Variants in CRK observed in about 807,000 individuals in gnomAD.
CRK encodes CRK proto-oncogene, adaptor protein.
CRK carries 4 observed loss-of-function variants against 29.8 expected under a neutral mutation model. The ratio of observed to expected loss-of-function variants is 0.13; its 90% confidence interval spans 0.07 to 0.31. CRK has a LOEUF of 0.31. Among genes scored for constraint, CRK ranks in the 10% least tolerant of loss-of-function variants. The probability of loss-of-function intolerance (pLI) is 1.00; values close to 1 mark genes in which losing one functional copy is unlikely to be tolerated. For missense variants in CRK, 274 were observed against 396.5 expected (o/e 0.69, Z 2.62); for synonymous variants, 153 against 164.9 (o/e 0.93, Z 0.55).
At position 1,423,011 on chromosome 17, in the gene CRK, G is replaced by A. The variant is rs1466132165; in HGVS notation, c.*502C>T. On this transcript the variant is annotated 3_prime_UTR_variant, in exon 3 of 3. Transcript: ENST00000300574. ...TTCTTAGGATCTGAAATGTCAGAAT[G>A]AGTCACACGCTGGTCATGCTCCATA... 4 of 399,098 alleles carry A rather than the reference G, an allele frequency of 1.0e-5. No homozygotes were observed. Among genetic ancestry groups the A allele is most frequent in the Non-Finnish European group, 1.3e-5 (3 of 226,320 alleles). The allele number at this position is 399,098 out of a possible 1,614,324, so 24.7% of individuals were successfully genotyped here.
chr17:1,455,453 C>T (rs1252710264), intron 1 of CRK, among the ~76,000 whole-genome samples: 6 of 152,318 alleles, frequency 3.9e-5, no homozygotes, highest in Admixed American at 3.3e-4. Context: ...CTCTCCAACA[C>T]GGCAGGAAAC....
In CRK at chr17:1,436,848, T is replaced by C. The variant is rs1261116184; in HGVS notation, c.549A>G (p.Pro183=). The change falls in exon 2 of 3, where the codon CCA becomes CCG. Residue 183 remains proline, a synonymous_variant. Coordinates refer to ENST00000300574, the MANE Select transcript of CRK (RefSeq NM_016823.4). ...EDSEGKRGMI[P]VPYVEKYRPA... ...GTCTATACTTCTCGACGTAAGGGAC[T>C]GGAATCATCCCTCTCTTGCCTTCGC... 2 of 1,605,332 alleles carry C rather than the reference T, an allele frequency of 1.2e-6. No individual in the cohort carries two copies. The highest frequency in any genetic ancestry group is 1.7e-6 in the Non-Finnish European group (2 of 1,175,034).
intron 1 of CRK, among the ~76,000 whole-genome samples, chr17:1,441,653 G>T (rs999039296): frequency 2.7e-5 from 4 of 150,730 alleles, no homozygotes; most frequent in Admixed American, 2.7e-4. Flanking sequence ...CACCACACCC[G>T]GCTAATTTTT....
At chr17:1,443,803 A>C (rs1428379401) in intron 1 of CRK, among the ~76,000 whole-genome samples, 21 of 130,588 alleles carry the variant, frequency 1.6e-4, no homozygotes, top group African/African-American at 4.6e-4. Flanking sequence ...GGGTTCATGC[A>C]ATTCTCCTGC....
chr17:1,455,858 C>G lies in CRK; in HGVS notation c.241+19G>C, dbSNP rs745992256. ...GGCCCTCACCCCGCCCAGGGCCCGC[C>G]GTCCCGTCAGTCCCTCACCGGGCGG... On this transcript the variant is annotated intron_variant, in intron 1 of 2. Transcript: ENST00000300574. 3 of 1,541,022 alleles carry G rather than the reference C, an allele frequency of 1.9e-6. No individual in the cohort carries two copies. The African/African-American group carries it at 4.2e-5, about 22-fold the overall frequency.
intron 1 of CRK, among the ~76,000 whole-genome samples, chr17:1,447,789 G>A (rs906276443): frequency 2.6e-5 from 4 of 151,534 alleles, no homozygotes; most frequent in African/African-American, 9.7e-5. Context: ...GCTAATTCTT[G>A]TATTTTTAGG....
intron 2 of CRK, among the ~76,000 whole-genome samples, chr17:1,427,362 G>A (rs2073791213): frequency 6.6e-6 from 1 of 151,774 alleles, no homozygotes; most frequent in African/African-American, 2.4e-5. Flanking sequence ...GGGAGGCTGA[G>A]GGCGGCAGAT....
intron 1 of CRK, among the ~76,000 whole-genome samples, chr17:1,443,057 C>A (rs1423139446): frequency 1.3e-5 from 2 of 151,712 alleles, no homozygotes; most frequent in African/African-American, 4.8e-5. Context: ...TGGCTCACTG[C>A]AACCTCTCTC....
intron 1 of CRK, among the ~76,000 whole-genome samples, chr17:1,443,333 T>C (rs1343181355): frequency 6.6e-6 from 1 of 152,200 alleles, no homozygotes; most frequent in East Asian, 1.9e-4. Context: ...GCCTCCCAAA[T>C]AGCTGGGACT....
chr17:1,456,139 C>A lies in CRK; in HGVS notation c.-22G>T. 6.8e-7 allele frequency: 1 copy of A among 1,479,088 alleles called. No homozygotes were observed. The highest frequency in any genetic ancestry group is 9.0e-7 in the Non-Finnish European group (1 of 1,115,844). 91.6% of individuals were successfully genotyped at this position (1,479,088 alleles called of 1,614,324 possible). ...CCATGGCTGCCTCCGCGCCTAAACGCTGGGGTGCCGCCGCCGCGCGCGCCC... is the reference window on the plus strand; with the variant it reads ...CCATGGCTGCCTCCGCGCCTAAACGATGGGGTGCCGCCGCCGCGCGCGCCC... On this transcript the variant is annotated 5_prime_UTR_variant, in exon 1 of 3. Transcript: ENST00000300574.
chr17:1,425,887 G>A (rs1568007209), intron 2 of CRK, among the ~76,000 whole-genome samples: 1 of 152,148 alleles, frequency 6.6e-6, no homozygotes, highest in Non-Finnish European at 1.5e-5. Context: ...AGACACAGAG[G>A]TTGAGAAAAA....
chr17:1,434,731 C>G (rs1024466340), intron 2 of CRK, among the ~76,000 whole-genome samples: 14 of 143,696 alleles, frequency 9.7e-5, no homozygotes, highest in African/African-American at 3.4e-4. Context: ...TGCAGTGAGC[C>G]GAGATCGTGC....
At chr17:1,444,481 C>A (rs184522935) in intron 1 of CRK, among the ~76,000 whole-genome samples, 1 of 151,642 alleles carries the variant, frequency 6.6e-6, no homozygotes, top group Non-Finnish European at 1.5e-5. Context: ...GTCAAGACTG[C>A]GCCACTGCCC....
intron 2 of CRK, chr17:1,424,620 C>G (rs958529544): frequency 3.9e-5 from 6 of 152,326 alleles, no homozygotes; most frequent in African/African-American, 1.4e-4. Flanking sequence ...CTTCACAAGC[C>G]ACTGCCTGCC....
intron 2 of CRK, among the ~76,000 whole-genome samples, chr17:1,432,776 C>CA (rs11453666): frequency 0.26 from 20,575 of 79,510 alleles, 1,914 homozygotes; most frequent in African/African-American, 0.37. Context: ...GACTCCGTCT[C>CA]AAAAAAAAAA....
intron 1 of CRK, 40 bp downstream of exon 1, chr17:1,455,837 C>T: frequency 2.0e-6 from 3 of 1,479,812 alleles, no homozygotes; most frequent in Non-Finnish European, 2.7e-6. Context: ...TTCCGCGGCC[C>T]TCACCCCGCC....
chr17:1,456,200 C>A lies in CRK; in HGVS notation c.-83G>T, dbSNP rs899736401. 5.2e-6 allele frequency: 7 copies of A among 1,350,356 alleles called. No individual in the cohort carries two copies. In the African/African-American group the frequency reaches 6.2e-5, roughly 12 times the overall value. 83.6% of individuals were successfully genotyped at this position (1,350,356 alleles called of 1,614,324 possible). A position where few individuals can be genotyped will look rare whatever the true frequency, so the allele number is the denominator to read the frequency against. ...CGGCGCCCGCCGCCCAGCGGACCGGCTCCGGTTTCAGCTTCACAGCAGCGC... is the reference window on the plus strand; with the variant it reads ...CGGCGCCCGCCGCCCAGCGGACCGGATCCGGTTTCAGCTTCACAGCAGCGC... On this transcript the variant is annotated 5_prime_UTR_variant, in exon 1 of 3. Coordinates refer to ENST00000300574, the MANE Select transcript of CRK (RefSeq NM_016823.4).
rs34172718 is a variant in CRK, at chr17:1,437,658, G to GT, written c.242-504dup. On this transcript the variant is annotated intron_variant, in intron 1 of 2. Transcript: ENST00000300574. Reference sequence around the variant, plus strand: ...TGTAAGCCTCAAGGTTCTGTTGCATGTTTTTTTTTTTTTGAGACCAAATCT... The same window carrying GT: ...TGTAAGCCTCAAGGTTCTGTTGCATGTTTTTTTTTTTTTTGAGACCAAATCT... 3.4e-3 allele frequency among the ~76,000 whole-genome samples: 488 copies of GT among 142,268 alleles called. 1 individual carries two copies. Among genetic ancestry groups the GT allele is most frequent in the East Asian group, 0.01 (51 of 4,888 alleles). The allele number at this position is 142,268 out of a possible 152,430, so 93.3% of individuals were successfully genotyped here.
intron 1 of CRK, among the ~76,000 whole-genome samples, chr17:1,444,815 A>G (rs2073962010): frequency 6.9e-6 from 1 of 145,140 alleles, no homozygotes; most frequent in African/African-American, 2.6e-5. Flanking sequence ...CCTGGGCAAC[A>G]AGAGCAGAAC....
Sources: gnomAD v4.1 joint callset for allele counts (sites outside exome capture counted in the v4.1 genomes callset) on GRCh38, gnomAD v4.1.1 for gene constraint, MANE v1.5 for transcripts, NCBI Gene and HGNC (gene_info 2026-07-23, HGNC 2026-07-21) for gene names.